Variants in INPP5A observed in about 807,000 individuals in gnomAD.
INPP5A encodes 43 kDa inositol polyphosphate 5-phophatase.
A neutral mutation model predicts 65.2 loss-of-function variants in INPP5A; 14 were observed. That is an observed-to-expected ratio of 0.21 (90% confidence interval 0.14 to 0.34). INPP5A has a LOEUF of 0.34. Ranked by LOEUF, INPP5A falls within the 10% of genes least tolerant of loss-of-function variation. The probability of loss-of-function intolerance (pLI) is 1.00; values close to 1 mark genes in which losing one functional copy is unlikely to be tolerated. For missense variants in INPP5A, 431 were observed against 545.6 expected (o/e 0.79, Z 2.09); for synonymous variants, 207 against 208.3 (o/e 0.99, Z 0.05).
chr10:132,728,426 C>T (rs995811029), intron 9 of INPP5A, among the ~76,000 whole-genome samples: 79 of 152,352 alleles, frequency 5.2e-4, no homozygotes, highest in Middle Eastern at 6.8e-3. Context: ...TCCCCGCGTC[C>T]GAGGCTGTGC....
chr10:132,732,419 T>C (rs1846103057), intron 9 of INPP5A, among the ~76,000 whole-genome samples: 1 of 152,154 alleles, frequency 6.6e-6, no homozygotes, highest in South Asian at 2.1e-4. Context: ...GCGAGCCTAG[T>C]GGAAAATAGG....
chr10:132,744,890 T>C (rs1429190107), intron 9 of INPP5A, among the ~76,000 whole-genome samples: 1 of 152,172 alleles, frequency 6.6e-6, no homozygotes, highest in Non-Finnish European at 1.5e-5. Flanking sequence ...GCAGCCGCCA[T>C]GTTAGACATG....
At chr10:132,607,747 C>T (rs554122451) in intron 1 of INPP5A, among the ~76,000 whole-genome samples, 168 bp from the exon 2 acceptor site, 3 of 152,380 alleles carry the variant, frequency 2.0e-5, no homozygotes, top group East Asian at 3.9e-4. Context: ...AGCGGGGTCC[C>T]CGCGTGGGCC....
Position 132,781,908 on chromosome 10 carries a change from T to C in INPP5A, c.1206T>C (p.His402=), listed in dbSNP as rs1565017663. 1 of 1,613,868 alleles carries C rather than the reference T, an allele frequency of 6.2e-7. No individual in the cohort carries two copies. Reference sequence around the variant, plus strand: ...TCATGCCCGGGGCAGGTAAACCTCATGCCCATGTGCACAAGTGTTGTGTCG... The same window carrying C: ...TCATGCCCGGGGCAGGTAAACCTCACGCCCATGTGCACAAGTGTTGTGTCG... ...FRIMPGAGKP[H]AHVHKCCVVQ The change falls in exon 15 of 16, where the codon CAT becomes CAC. Residue 402 remains histidine (H), a synonymous_variant. Coordinates refer to ENST00000368594, the MANE Select transcript of INPP5A (RefSeq NM_005539.5).
chr10:132,639,763 G>A (rs770863816), intron 2 of INPP5A, among the ~76,000 whole-genome samples: 1 of 152,162 alleles, frequency 6.6e-6, no homozygotes, highest in Non-Finnish European at 1.5e-5. Flanking sequence ...GGCTTTTGCT[G>A]AACCTTTGTG....
intron 1 of INPP5A, among the ~76,000 whole-genome samples, chr10:132,579,841 C>T (rs902980828): frequency 3.9e-5 from 6 of 152,064 alleles, no homozygotes; most frequent in African/African-American, 1.4e-4. Flanking sequence ...ATCCACCTGC[C>T]TCTCCGTGGC....
At chr10:132,552,433 G>A (rs1333057295) in intron 1 of INPP5A, among the ~76,000 whole-genome samples, 2 of 141,130 alleles carry the variant, frequency 1.4e-5, no homozygotes, top group Non-Finnish European at 3.1e-5. Context: ...AGCCTTGGTG[G>A]CATATTGAGT....
intron 4 of INPP5A, among the ~76,000 whole-genome samples, chr10:132,669,424 G>T (rs985455585): frequency 6.6e-6 from 1 of 152,268 alleles, no homozygotes; most frequent in African/African-American, 2.4e-5. Context: ...TTAACCTCAA[G>T]GCTTTCTATG....
At chr10:132,621,292 AGT>A (rs1194772086) in intron 2 of INPP5A, among the ~76,000 whole-genome samples, 11 of 152,362 alleles carry the variant, frequency 7.2e-5, no homozygotes, top group African/African-American at 2.4e-4. Context: ...AGGGCAAGAA[AGT>A]GTGAACACAC....
intron 12 of INPP5A, among the ~76,000 whole-genome samples, chr10:132,768,280 C>A (rs1278642550): frequency 7.0e-6 from 1 of 143,862 alleles, no homozygotes; most frequent in Non-Finnish European, 1.5e-5. Context: ...CAGAAAGATC[C>A]GTGGACCCCG....
Position 132,583,990 on chromosome 10 carries a change from G to A in INPP5A, c.76-23925G>A, listed in dbSNP as rs2071518164. Reference sequence around the variant, plus strand: ...CTCAGCTACTCCAGAGGCTGAGGTAGGAGGATTCCTTGGGCACAGGAGGTA... The same window carrying A: ...CTCAGCTACTCCAGAGGCTGAGGTAAGAGGATTCCTTGGGCACAGGAGGTA... On this transcript the variant is annotated intron_variant, in intron 1 of 15. Transcript: ENST00000368594. Among the ~76,000 whole-genome samples the A allele has an allele frequency of 2.0e-5, 3 of 152,214 alleles. No individual in the cohort carries two copies. In the South Asian group the frequency reaches 6.2e-4, roughly 32 times the overall value.
chr10:132,632,030 A>G (rs901432193), intron 2 of INPP5A, among the ~76,000 whole-genome samples: 1 of 152,078 alleles, frequency 6.6e-6, no homozygotes, highest in African/African-American at 2.4e-5. Flanking sequence ...GTGGGTGGAG[A>G]TGTGCACCCC....
intron 8 of INPP5A, among the ~76,000 whole-genome samples, chr10:132,713,210 A>G (rs1332682234): frequency 6.7e-6 from 1 of 150,112 alleles, no homozygotes; most frequent in Non-Finnish European, 1.5e-5. Context: ...GTGTGTAGGT[A>G]TGGGTGTGCA....
Position 132,727,039 on chromosome 10 carries a change from C to T in INPP5A, c.732+134C>T. ...CGGGATGCACTTTTTAAGGCAAAAC[C>T]TTTCAATGAAGAAGCATGTTTTGCT... On this transcript the variant is annotated intron_variant, in intron 9 of 15. Coordinates refer to ENST00000368594, the MANE Select transcript of INPP5A (RefSeq NM_005539.5). The surrounding 1 kb of genome is among the most constrained non-coding windows in gnomAD (Gnocchi z 6.5). 1 of 543,164 alleles carries T rather than the reference C, an allele frequency of 1.8e-6. No individual in the cohort carries two copies. The highest frequency in any genetic ancestry group is 3.2e-6 in the Non-Finnish European group (1 of 312,898). The allele number at this position is 543,164 out of a possible 1,614,324, so 33.6% of individuals were successfully genotyped here. A position where few individuals can be genotyped will look rare whatever the true frequency, so the allele number is the denominator to read the frequency against.
chr10:132,632,320 C>T (rs1048086651), intron 2 of INPP5A, among the ~76,000 whole-genome samples: 1 of 152,232 alleles, frequency 6.6e-6, no homozygotes, highest in Non-Finnish European at 1.5e-5. Flanking sequence ...CCTGTCCTCC[C>T]GGATGCCAGG....
chr10:132,776,493 A>T, intron 12 of INPP5A, among the ~76,000 whole-genome samples: 1 of 152,220 alleles, frequency 6.6e-6, no homozygotes. Context: ...CACAGCCAAC[A>T]GGGAAATTTC....
chr10:132,778,819 G>GTC (rs550729909), intron 13 of INPP5A, among the ~76,000 whole-genome samples: 133 of 152,302 alleles, frequency 8.7e-4, no homozygotes, highest in African/African-American at 3.2e-3. Flanking sequence ...GCCCATCTGT[G>GTC]TCTGTGCCAG....
At chr10:132,768,287 C>T (rs1846888350) in intron 12 of INPP5A, among the ~76,000 whole-genome samples, 2 of 151,362 alleles carry the variant, frequency 1.3e-5, no homozygotes, top group South Asian at 4.2e-4. Context: ...ATCCGTGGAC[C>T]CCGACCCTCA....
At chr10:132,758,397 C>T (rs1846669328) in intron 11 of INPP5A, among the ~76,000 whole-genome samples, 1 of 150,016 alleles carries the variant, frequency 6.7e-6, no homozygotes, top group African/African-American at 2.5e-5. Context: ...GGGTCCCTGG[C>T]TGACCCCACA....
Sources: gnomAD v4.1 joint callset for allele counts (sites outside exome capture counted in the v4.1 genomes callset) on GRCh38, gnomAD v4.1.1 for gene constraint, Gnocchi (gnomAD v3.1) non-coding constraint, MANE v1.5 for transcripts, NCBI Gene and HGNC (gene_info 2026-07-23, HGNC 2026-07-21) for gene names.